FAIM: variants seen among roughly 807,000 people sequenced by gnomAD.
FAIM encodes Fas apoptotic inhibitory molecule, also known as fas apoptotic inhibitory molecule 1.
FAIM carries 14 observed loss-of-function variants against 21.2 expected under a neutral mutation model. The ratio of observed to expected loss-of-function variants is 0.66; its 90% CI spans 0.44 to 1.03. The LOEUF is 1.03. FAIM is among the 50% of genes least tolerant of loss of function. The pLI, the probability that FAIM is intolerant of heterozygous loss-of-function variation, is 0.00. For synonymous variants in FAIM, 86 were observed against 80.4 expected (o/e 1.07, Z -0.37); for missense variants, 222 against 247.1 (o/e 0.90, Z 0.68).
intron 1 of FAIM, among the ~76,000 whole-genome samples, chr3:138,617,435 T>C (rs1188677289): frequency 1.4e-5 from 2 of 147,100 alleles, no homozygotes; most frequent in Non-Finnish European, 3.0e-5. Flanking sequence ...ATATAATATG[T>C]ATATAAATAT....
At chr3:138,609,208 C>G (rs1392405291) in intron 1 of FAIM, 2 of 151,906 alleles carry the variant, frequency 1.3e-5, no homozygotes, top group Non-Finnish European at 2.9e-5. Context: ...CGGGACGCGG[C>G]TCCCGCTCAC....
chr3:138,629,257 C>T (rs904834480), intron 5 of FAIM, 101 bp downstream of exon 5: 5 of 981,416 alleles, frequency 5.1e-6, no homozygotes, highest in East Asian at 5.0e-5. Context: ...GAATCAAGGC[C>T]CTCTTGATAA....
At chr3:138,621,742 T>G (rs1159065248) in intron 3 of FAIM, among the ~76,000 whole-genome samples, 2 of 152,204 alleles carry the variant, frequency 1.3e-5, no homozygotes, top group Non-Finnish European at 2.9e-5. Context: ...ATGCTTTTAT[T>G]TTCTAAAACC....
intron 1 of FAIM, among the ~76,000 whole-genome samples, chr3:138,616,939 C>G (rs2042831484): frequency 6.6e-6 from 1 of 152,102 alleles, no homozygotes. Context: ...AGTACTTACT[C>G]TTATCTTTGT....
rs542259855 is a variant in FAIM, at chr3:138,633,227, A to G, written c.*148A>G. ...GAAACTAACATTCCAAGGGTCAGGA[A>G]AAAAACCAATTATGTATAGTCATAA... On this transcript the variant is annotated 3_prime_UTR_variant, in exon 6 of 6. Coordinates refer to ENST00000360570, the MANE Select transcript of FAIM (RefSeq NM_001033031.2). The G allele has an allele frequency of 1.7e-6, 1 of 604,762 alleles. No homozygotes were observed. Among genetic ancestry groups the G allele is most frequent in the African/African-American group, 1.9e-5 (1 of 52,666 alleles). 37.5% of individuals were successfully genotyped at this position (604,762 alleles called of 1,614,324 possible). A position where few individuals can be genotyped will look rare whatever the true frequency, so the allele number is the denominator to read the frequency against.
chr3:138,627,776 G>C (rs780592996), intron 4 of FAIM, among the ~76,000 whole-genome samples: 6 of 152,042 alleles, frequency 3.9e-5, no homozygotes, highest in Non-Finnish European at 8.8e-5. Flanking sequence ...GGACCCCTCT[G>C]GCTTTCTCTT....
At chr3:138,629,395 T>C (rs1047065931) in intron 5 of FAIM, 4 of 345,744 alleles carry the variant, frequency 1.2e-5, no homozygotes, top group African/African-American at 1.1e-4. Flanking sequence ...CTCCCTTTCC[T>C]GTCCTGGACC....
intron 4 of FAIM, among the ~76,000 whole-genome samples, chr3:138,628,578 A>G (rs965389872): frequency 2.6e-5 from 4 of 151,864 alleles, no homozygotes; most frequent in Non-Finnish European, 4.4e-5. Flanking sequence ...TCCACCTCCC[A>G]GGTTCACGCC....
At chr3:138,619,586 C>G in intron 1 of FAIM, 125 bp from the exon 2 acceptor site, 1 of 746,024 alleles carries the variant, frequency 1.3e-6, no homozygotes, top group East Asian at 2.7e-5. Flanking sequence ...ATCTGAAACT[C>G]CATGTAATTT....
At chr3:138,619,852 C>A in intron 2 of FAIM, 82 bp downstream of exon 2, 2 of 1,318,344 alleles carry the variant, frequency 1.5e-6, no homozygotes, top group Non-Finnish European at 1.1e-6. Context: ...ATCCAAGATA[C>A]TCTGTTAAGA....
intron 1 of FAIM, among the ~76,000 whole-genome samples, chr3:138,613,311 C>T (rs935334388): frequency 3.3e-5 from 5 of 152,176 alleles, no homozygotes; most frequent in South Asian, 2.1e-4. Flanking sequence ...TGAGCCACTG[C>T]GCCCGGCCCC....
At chr3:138,621,057 T>A (rs2042879406) in intron 2 of FAIM, among the ~76,000 whole-genome samples, 1 of 152,114 alleles carries the variant, frequency 6.6e-6, no homozygotes, top group Non-Finnish European at 1.5e-5. Flanking sequence ...TGGGAGCTGG[T>A]GGGAGAAGAA....
chr3:138,632,376 A>T (rs1326102541), intron 5 of FAIM, among the ~76,000 whole-genome samples: 3 of 151,938 alleles, frequency 2.0e-5, no homozygotes, highest in African/African-American at 7.3e-5. Context: ...TTTTCAGACT[A>T]GTCAATTTGA....
At chr3:138,626,321 T>TA (rs577720441) in intron 4 of FAIM, among the ~76,000 whole-genome samples, 11 of 152,204 alleles carry the variant, frequency 7.2e-5, no homozygotes, top group Non-Finnish European at 2.9e-5. Context: ...AAAATGCTAT[T>TA]AAAAGACACA....
intron 4 of FAIM, among the ~76,000 whole-genome samples, chr3:138,623,396 T>C (rs1177517593): frequency 6.6e-6 from 1 of 152,170 alleles, no homozygotes; most frequent in East Asian, 1.9e-4. Flanking sequence ...GAGTCTCACT[T>C]TGTCGCCCAG....
chr3:138,623,069 A>C (rs1244843177), intron 4 of FAIM, among the ~76,000 whole-genome samples: 1 of 151,720 alleles, frequency 6.6e-6, no homozygotes, highest in Non-Finnish European at 1.5e-5. Flanking sequence ...ATTGATGTAG[A>C]TTTTGGTATT....
At chr3:138,617,755 G>A (rs1054549234) in intron 1 of FAIM, among the ~76,000 whole-genome samples, 1 of 142,228 alleles carries the variant, frequency 7.0e-6, no homozygotes, top group African/African-American at 2.6e-5. Context: ...ATATATATAT[G>A]TATGTATATA....
At chr3:138,622,897 G>A (rs116133262) in intron 4 of FAIM, among the ~76,000 whole-genome samples, 3,909 of 152,016 alleles carry the variant, frequency 0.026, 74 homozygotes, top group Non-Finnish European at 0.038. Flanking sequence ...AAATTAGCAG[G>A]ACATAGTGGC....
chr3:138,631,709 T>C (rs1272791692), intron 5 of FAIM, among the ~76,000 whole-genome samples: 1 of 152,160 alleles, frequency 6.6e-6, no homozygotes. Flanking sequence ...AAATTATATA[T>C]TTGTCCAATT....
Sources: gnomAD v4.1 joint callset for allele counts (sites outside exome capture counted in the v4.1 genomes callset) on GRCh38, gnomAD v4.1.1 for gene constraint, MANE v1.5 for transcripts, NCBI Gene and HGNC (gene_info 2026-07-23, HGNC 2026-07-21) for gene names.